The following RALGAPB variants were observed in gnomAD, a reference collection of about 807,000 sequenced individuals.
RALGAPB encodes Ral GTPase activating protein non-catalytic subunit beta, also known as ral GTPase-activating protein subunit beta.
A neutral mutation model predicts 161.1 loss-of-function variants in RALGAPB; 25 were observed. That is an observed-to-expected ratio of 0.16 (90% CI 0.11 to 0.22). RALGAPB has a LOEUF of 0.22. Among genes scored for constraint, RALGAPB ranks in the 10% least tolerant of loss-of-function variants. The pLI, the probability that RALGAPB is intolerant of heterozygous loss-of-function variation, is 1.00. For missense variants in RALGAPB, 1,391 were observed against 1,815.2 expected (o/e 0.77, Z 4.25); for synonymous variants, 629 against 626.1 (o/e 1.00, Z -0.07).
In RALGAPB at chr20:38,558,545, T is replaced by C; in HGVS notation, c.3531+92T>C. 4 of 1,206,288 alleles carry C rather than the reference T, an allele frequency of 3.3e-6. No individual in the cohort carries two copies. The African/African-American group carries it at 4.7e-5, about 14-fold the overall frequency. 74.7% of individuals were successfully genotyped at this position (1,206,288 alleles called of 1,614,324 possible). A position where few individuals can be genotyped will look rare whatever the true frequency, so the allele number is the denominator to read the frequency against. On this transcript the variant is annotated intron_variant, in intron 23 of 29. Transcript: ENST00000262879. ...ATTGAGGCAAAATTAATATGGAGAGTTTATTTGGGCCAGAGTTGAGGACTG... is the reference window on the plus strand; with the variant it reads ...ATTGAGGCAAAATTAATATGGAGAGCTTATTTGGGCCAGAGTTGAGGACTG...
chr20:38,535,592 C>T (rs1332304973), intron 16 of RALGAPB, among the ~76,000 whole-genome samples: 1 of 150,846 alleles, frequency 6.6e-6, no homozygotes, highest in African/African-American at 2.4e-5. Flanking sequence ...ACTGGCTACA[C>T]CTTTTTTTTT....
At chr20:38,520,130 T>C in intron 9 of RALGAPB, 1 of 267,820 alleles carries the variant, frequency 3.7e-6, no homozygotes, top group Non-Finnish European at 5.7e-6. Context: ...ATTTAACTTT[T>C]AAAAAGCTAA....
intron 23 of RALGAPB, among the ~76,000 whole-genome samples, chr20:38,560,581 G>A (rs1235467755): frequency 1.3e-5 from 2 of 152,160 alleles, no homozygotes; most frequent in Admixed American, 6.5e-5. Flanking sequence ...AGTAAAATTG[G>A]ATTAATTATG....
intron 3 of RALGAPB, among the ~76,000 whole-genome samples, chr20:38,497,139 T>G (rs1207139062): frequency 6.6e-6 from 1 of 152,226 alleles, no homozygotes; most frequent in Non-Finnish European, 1.5e-5. Flanking sequence ...GCTTTCGAGT[T>G]CTCATAGGAG....
chr20:38,574,961 T>C lies in RALGAPB; in HGVS notation c.4479T>C (p.Ser1493=), dbSNP rs1234507220. 1 of 1,607,252 alleles carries C rather than the reference T, an allele frequency of 6.2e-7. No individual in the cohort carries two copies. The highest frequency in any genetic ancestry group is 2.2e-5 in the East Asian group (1 of 44,858). Residue 1493 remains serine (S), a synonymous_variant, in exon 30 of 30, where the codon AGT becomes AGC. Coordinates refer to ENST00000262879, the MANE Select transcript of RALGAPB (RefSeq NM_020336.4). ...AGGAGGTTGGACTCAAGAACTGCAG[T>C]TCTTAGACCACTGAATTTCTAAGAC... is the stretch of plus-strand genomic sequence containing the variant. The part of the protein sequence containing the change: ...LFQEVGLKNC[S]S
At chr20:38,490,199 TTTTA>T (rs1568905016) in intron 2 of RALGAPB, among the ~76,000 whole-genome samples, 2 of 150,332 alleles carry the variant, frequency 1.3e-5, no homozygotes, top group African/African-American at 4.9e-5. Context: ...AAAAATGTAT[TTTTA>T]TTTATTTATT....
At chr20:38,558,253 A>G (rs773693670) in intron 22 of RALGAPB, 42 bp from the exon 23 acceptor site, 2 of 1,417,296 alleles carry the variant, frequency 1.4e-6, no homozygotes, top group South Asian at 1.7e-5. Context: ...TAACAATGAA[A>G]GAAAATAGGT....
intron 3 of RALGAPB, among the ~76,000 whole-genome samples, chr20:38,493,586 AT>A (rs988869920): frequency 6.6e-6 from 1 of 151,546 alleles, no homozygotes; most frequent in African/African-American, 2.4e-5. Context: ...TTTGTTTCTG[AT>A]TTTTTTTTCC....
rs201821386 is a variant in RALGAPB at position 38,553,845 on chromosome 20, T to C, written c.3163-22T>C. ...CTAGTTTGATAATAGTTTCAAAAAA[T>C]GAAATATTTGGTTTATTACAGTTAG... On this transcript the variant is annotated intron_variant, in intron 21 of 29. Transcript: ENST00000262879. 5 of 1,251,068 alleles carry C rather than the reference T, an allele frequency of 4.0e-6. No individual in the cohort carries two copies. The East Asian group carries it at 1.2e-4, about 30-fold the overall frequency. 77.5% of individuals were successfully genotyped at this position (1,251,068 alleles called of 1,614,324 possible).
At chr20:38,551,458 T>C (rs957340068) in intron 21 of RALGAPB, among the ~76,000 whole-genome samples, 4 of 152,166 alleles carry the variant, frequency 2.6e-5, no homozygotes, top group African/African-American at 9.7e-5. Context: ...TAGGTTTCAG[T>C]ACTGTAGTGA....
At chr20:38,534,800 T>TA (rs1450747711) in intron 15 of RALGAPB, among the ~76,000 whole-genome samples, 1 of 152,222 alleles carries the variant, frequency 6.6e-6, no homozygotes, top group East Asian at 1.9e-4. Context: ...ATTACGTTGT[T>TA]ATGAAAATGA....
In RALGAPB at chr20:38,569,925, G is replaced by C; in HGVS notation, c.3992G>C (p.Gly1331Ala). The C allele has an allele frequency of 6.2e-7, 1 of 1,613,550 alleles. No individual in the cohort carries two copies. The change falls in exon 27 of 30, where the codon GGT becomes GCT. Residue 1331 changes from glycine to alanine, a missense_variant. Around this residue, in one of 3 missense-constraint regions of RALGAPB, gnomAD observed 436 missense variants for 527.0 expected, o/e 0.83. Coordinates refer to ENST00000262879, the MANE Select transcript of RALGAPB (RefSeq NM_020336.4). The stretch of plus-strand genomic sequence containing the variant: ...TCCAGAATGAGGAAGCTGCCTCAGG[G>C]TCGCCCTGTTCCTCCCCTTGGACCT... ...PSSRMRKLPQ[G>A]RPVPPLGPET...
chr20:38,525,843 G>A (rs1487726302), intron 12 of RALGAPB, 52 bp from the exon 13 acceptor site: 1 of 1,566,520 alleles, frequency 6.4e-7, no homozygotes, highest in South Asian at 1.1e-5. Flanking sequence ...TTCCCACATG[G>A]GCATCATAAG....
chr20:38,495,727 T>G (rs1193725976), intron 3 of RALGAPB, among the ~76,000 whole-genome samples: 1 of 152,174 alleles, frequency 6.6e-6, no homozygotes, highest in Non-Finnish European at 1.5e-5. Context: ...AAATCTCTGG[T>G]GTTTAGCTCT....
At chr20:38,536,793 G>A (rs983038129) in intron 16 of RALGAPB, among the ~76,000 whole-genome samples, 1 of 152,176 alleles carries the variant, frequency 6.6e-6, no homozygotes, top group African/African-American at 2.4e-5. Flanking sequence ...GTTGTCAGAG[G>A]CTGTGACTTA....
In RALGAPB at chr20:38,493,033, T is replaced by A; in HGVS notation, c.290T>A (p.Leu97Ter). 1 of 1,611,478 alleles carries A rather than the reference T, an allele frequency of 6.2e-7. No homozygotes were observed. The highest frequency in any genetic ancestry group is 8.5e-7 in the Non-Finnish European group (1 of 1,177,740). Reference protein sequence around the residue: ...VDVYTDWIMALVLPKDSIPLP... With the variant: ...VDVYTDWIMA ...GTATATACAGACTGGATTATGGCTTTAGTGTTGCCAAAAGATTCTATTCCA... is the reference window on the plus strand; with the variant it reads ...GTATATACAGACTGGATTATGGCTTAAGTGTTGCCAAAAGATTCTATTCCA... Residue 97 changes from leucine to a stop codon, truncating the protein, a stop_gained, in exon 3 of 30, where the codon TTA (leucine) becomes TAA (stop). Coordinates refer to ENST00000262879, the MANE Select transcript of RALGAPB (RefSeq NM_020336.4). LOFTEE classifies it high-confidence loss of function.
At chr20:38,543,653 A>G (rs2087054182) in intron 18 of RALGAPB, among the ~76,000 whole-genome samples, 1 of 152,176 alleles carries the variant, frequency 6.6e-6, no homozygotes, top group Non-Finnish European at 1.5e-5. Flanking sequence ...TGCCGTTGTC[A>G]GGCCTGACAG....
intron 28 of RALGAPB, among the ~76,000 whole-genome samples, chr20:38,571,110 G>C (rs2088220410): frequency 6.6e-6 from 1 of 152,070 alleles, no homozygotes; most frequent in Non-Finnish European, 1.5e-5. Context: ...TGATGAGCTT[G>C]GAGATAAGTA....
At chr20:38,551,514 G>C (rs1240637077) in intron 21 of RALGAPB, among the ~76,000 whole-genome samples, 1 of 152,198 alleles carries the variant, frequency 6.6e-6, no homozygotes, top group East Asian at 1.9e-4. Context: ...AGGAAGACCA[G>C]TTCAGAGACT....
Sources: gnomAD v4.1 joint callset for allele counts (sites outside exome capture counted in the v4.1 genomes callset) on GRCh38, gnomAD v4.1.1 for gene constraint, gnomAD v4.1.1 regional missense constraint, MANE v1.5 for transcripts, NCBI Gene and HGNC (gene_info 2026-07-23, HGNC 2026-07-21) for gene names.